ADARB2: variants seen among roughly 807,000 people sequenced by gnomAD.
ADARB2 encodes adenosine deaminase RNA specific B2 (inactive), also known as inactive double-stranded RNA-specific editase B2.
Under a neutral mutation model 62.2 loss-of-function variants are expected in ADARB2, and 25 were observed. That is an observed-to-expected ratio of 0.40 (90% confidence interval 0.29 to 0.56). The LOEUF (loss-of-function observed/expected upper bound fraction) is 0.56. Ranked by LOEUF, ADARB2 falls within the 20% of genes least tolerant of loss-of-function variation. The pLI is 0.43. For synonymous variants in ADARB2, 572 were observed against 500.8 expected (o/e 1.14, Z -1.90); for missense variants, 1,071 against 1,077.4 (o/e 0.99, Z 0.08).
rs138727443 is a variant in ADARB2, at chr10:1,562,057, G to A, written c.100+174994C>T. On this transcript the variant is annotated intron_variant, in intron 1 of 9. Transcript: ENST00000381312. ...AGTGGTCCTGCCTCAGCCGGAACCC[G>A]TCTCCCTCTGGCCATTCACAGTGCG... 1.8e-3 allele frequency among the ~76,000 whole-genome samples: 278 copies of A among 152,274 alleles called. 3 individuals are homozygous for A. Among genetic ancestry groups the A allele is most frequent in the African/African-American group, 6.4e-3 (266 of 41,552 alleles).
chr10:1,588,190 A>T (rs889331978), intron 1 of ADARB2, among the ~76,000 whole-genome samples: 1 of 152,078 alleles, frequency 6.6e-6, no homozygotes, highest in Non-Finnish European at 1.5e-5. Flanking sequence ...CTCACAGGTC[A>T]CACCCTCTCC....
intron 1 of ADARB2, among the ~76,000 whole-genome samples, chr10:1,652,983 G>A (rs1233206822): frequency 6.6e-6 from 1 of 152,192 alleles, no homozygotes; most frequent in Admixed American, 6.5e-5. Flanking sequence ...AAGCCCCTCA[G>A]ACGATGGAGG....
intron 1 of ADARB2, among the ~76,000 whole-genome samples, chr10:1,590,456 TA>T (rs1833236806): frequency 6.6e-6 from 1 of 152,162 alleles, no homozygotes; most frequent in Non-Finnish European, 1.5e-5. Flanking sequence ...CATGGTTAAA[TA>T]AAAAGTGGAA....
chr10:1,211,753 GA>G (rs1837155622), intron 7 of ADARB2, among the ~76,000 whole-genome samples: 1 of 152,162 alleles, frequency 6.6e-6, no homozygotes, highest in African/African-American at 2.4e-5. Context: ...AAGGGGTTTG[GA>G]AAACAGCAGG....
At position 1,374,541 on chromosome 10, in the gene ADARB2, A is replaced by G. The variant is rs560699726; in HGVS notation, c.187+4533T>C. Among the ~76,000 whole-genome samples the G allele has an allele frequency of 2.0e-5, 3 of 152,316 alleles. No individual in the cohort carries two copies. In the South Asian group the frequency reaches 6.2e-4, roughly 32 times the overall value. ...AGCTGTTCCGGTTGTGCAAAGCCGG[A>G]TGGCCTAGGCTGCTGTCTTTCAAAG... On this transcript the variant is annotated intron_variant, in intron 2 of 9. Coordinates refer to ENST00000381312, the MANE Select transcript of ADARB2 (RefSeq NM_018702.4).
intron 1 of ADARB2, among the ~76,000 whole-genome samples, chr10:1,495,871 CATT>C (rs1442101957): frequency 2.0e-5 from 3 of 151,956 alleles, no homozygotes; most frequent in East Asian, 3.9e-4. Context: ...TCATCACCAT[CATT>C]ATTATCATAA....
intron 1 of ADARB2, among the ~76,000 whole-genome samples, chr10:1,493,729 C>CTTTTTTTTTTTTTTTTTTTTTTTTTTT (rs555812632): frequency 3.5e-5 from 2 of 56,846 alleles, no homozygotes; most frequent in East Asian, 1.0e-3. Flanking sequence ...ATATGGCATT[C>CTTTTTTTTTTTTTTTTTTTTTTTTTTT]TTTTTTTTTT....
At chr10:1,682,348 G>C (rs116385361) in intron 1 of ADARB2, among the ~76,000 whole-genome samples, 35 of 152,300 alleles carry the variant, frequency 2.3e-4, no homozygotes, top group African/African-American at 7.5e-4. Context: ...TGAGGGTCTC[G>C]CCTAGAGGAA....
intron 1 of ADARB2, among the ~76,000 whole-genome samples, chr10:1,472,814 G>T (rs1284331124): frequency 6.6e-6 from 1 of 152,334 alleles, no homozygotes; most frequent in East Asian, 1.9e-4. Context: ...ACTTGAGGAG[G>T]CATGAACAGG....
intron 1 of ADARB2, among the ~76,000 whole-genome samples, chr10:1,530,893 TCTCAGCA>T (rs1271854404): frequency 6.6e-6 from 1 of 150,782 alleles, no homozygotes; most frequent in African/African-American, 2.4e-5. Flanking sequence ...AGCACTCAGG[TCTCAGCA>T]CTCAGCACTC....
intron 1 of ADARB2, among the ~76,000 whole-genome samples, chr10:1,671,046 A>G (rs2119101776): frequency 6.6e-6 from 1 of 152,338 alleles, no homozygotes; most frequent in South Asian, 2.1e-4. Context: ...CTTTGAAAAG[A>G]AAAGGAAAGG....
chr10:1,223,833 T>G (rs529999288), intron 6 of ADARB2, among the ~76,000 whole-genome samples: 2 of 152,250 alleles, frequency 1.3e-5, no homozygotes, highest in Non-Finnish European at 2.9e-5. Context: ...GCCCGTATTT[T>G]ATTGAGAATT....
chr10:1,565,309 A>G (rs1832846179), intron 1 of ADARB2, among the ~76,000 whole-genome samples: 1 of 152,216 alleles, frequency 6.6e-6, no homozygotes, highest in African/African-American at 2.4e-5. Flanking sequence ...ATCTAATTCC[A>G]GGAAAAATCA....
chr10:1,308,977 G>T (rs1702972021), intron 3 of ADARB2, among the ~76,000 whole-genome samples: 1 of 152,120 alleles, frequency 6.6e-6, no homozygotes, highest in African/African-American at 2.4e-5. Context: ...AGATTCCTAA[G>T]ATTTCCTACA....
chr10:1,307,877 C>G (rs1204781835), intron 3 of ADARB2, among the ~76,000 whole-genome samples: 1 of 127,454 alleles, frequency 7.8e-6, no homozygotes, highest in Non-Finnish European at 1.6e-5. Context: ...GGGAATTGAA[C>G]AATGAGATCA....
intron 1 of ADARB2, among the ~76,000 whole-genome samples, chr10:1,658,093 T>A (rs1051091009): frequency 1.3e-5 from 2 of 150,440 alleles, no homozygotes; most frequent in African/African-American, 5.0e-5. Context: ...TCTGTCTGAT[T>A]CTCTCTCTCT....
intron 1 of ADARB2, among the ~76,000 whole-genome samples, chr10:1,662,000 C>T (rs535047092): frequency 1.3e-5 from 2 of 152,312 alleles, no homozygotes; most frequent in Middle Eastern, 3.4e-3. Flanking sequence ...TGCACTGCAG[C>T]TGCTCCTCTC....
chr10:1,275,939 C>T (rs1296096781), intron 3 of ADARB2, among the ~76,000 whole-genome samples: 1 of 152,044 alleles, frequency 6.6e-6, no homozygotes, highest in African/African-American at 2.4e-5. Flanking sequence ...CAAGTCTTCG[C>T]TATTGTGAAT....
In ADARB2 at chr10:1,568,655, G is replaced by A. The variant is rs996829833; in HGVS notation, c.100+168396C>T. Reference sequence around the variant, plus strand: ...AGAAAGCTGGAGGTCTTCACATGGAGTTAAAATGTCACTGTTTCCTAAGGA... The same window carrying A: ...AGAAAGCTGGAGGTCTTCACATGGAATTAAAATGTCACTGTTTCCTAAGGA... On this transcript the variant is annotated intron_variant, in intron 1 of 9. Coordinates refer to ENST00000381312, the MANE Select transcript of ADARB2 (RefSeq NM_018702.4). Among the ~76,000 whole-genome samples, 4 of 152,166 alleles carry A rather than the reference G, an allele frequency of 2.6e-5. No homozygotes were observed. In the South Asian group the frequency reaches 8.3e-4, roughly 32 times the overall value.
Sources: allele counts gnomAD v4.1 joint callset (sites outside exome capture counted in the v4.1 genomes callset), GRCh38; gene constraint gnomAD v4.1.1; transcripts MANE v1.5; gene names NCBI Gene and HGNC (gene_info 2026-07-23, HGNC 2026-07-21).